Variants in APBB2 observed in about 807,000 individuals in gnomAD.
The protein encoded by APBB2 is Fe65-like 1.
APBB2 carries 38 observed loss-of-function variants against 82.5 expected under a neutral mutation model. The ratio of observed to expected loss-of-function variants is 0.46; its 90% CI spans 0.36 to 0.60. The LOEUF (loss-of-function observed/expected upper bound fraction) is 0.60, where lower values mean the gene tolerates loss of function less well. Ranked by LOEUF, APBB2 falls within the 20% of genes least tolerant of loss-of-function variation. APBB2 has a pLI of 0.00. For missense variants in APBB2, 772 were observed against 972.3 expected (o/e 0.79, Z 2.74); for synonymous variants, 341 against 368.2 (o/e 0.93, Z 0.85).
intron 1 of APBB2, among the ~76,000 whole-genome samples, chr4:41,160,092 C>T (rs963840977): frequency 6.6e-6 from 1 of 151,910 alleles, no homozygotes; most frequent in Admixed American, 6.6e-5. Flanking sequence ...TTTGGGAAAA[C>T]ATCAAGGATG....
intron 10 of APBB2, among the ~76,000 whole-genome samples, chr4:40,920,444 G>T (rs1288535201): frequency 6.6e-6 from 1 of 152,128 alleles, no homozygotes; most frequent in Non-Finnish European, 1.5e-5. Flanking sequence ...ACACAAAACT[G>T]CATTTTCTCT....
intron 5 of APBB2, among the ~76,000 whole-genome samples, chr4:41,024,189 G>A (rs1712978962): frequency 6.6e-6 from 1 of 152,148 alleles, no homozygotes; most frequent in Non-Finnish European, 1.5e-5. Context: ...AACTCAAGAT[G>A]AATTAAACAC....
At chr4:41,123,831 A>C (rs1377895664) in intron 2 of APBB2, among the ~76,000 whole-genome samples, 3 of 152,176 alleles carry the variant, frequency 2.0e-5, no homozygotes, top group Admixed American at 6.5e-5. Flanking sequence ...ACAAAAAAAA[A>C]CCAAAAAACA....
chr4:41,105,681 G>A (rs1398759525), intron 2 of APBB2, among the ~76,000 whole-genome samples: 1 of 152,104 alleles, frequency 6.6e-6, no homozygotes, highest in African/African-American at 2.4e-5. Flanking sequence ...TCAGGAGATT[G>A]AGACCATCCT....
At chr4:40,982,112 G>C (rs1340657916) in intron 6 of APBB2, among the ~76,000 whole-genome samples, 1 of 150,668 alleles carries the variant, frequency 6.6e-6, no homozygotes, top group East Asian at 1.9e-4. Flanking sequence ...TTGAACCCAG[G>C]AGGTGGAGGT....
chr4:41,029,858 C>T (rs1294092464), intron 5 of APBB2, among the ~76,000 whole-genome samples: 1 of 151,970 alleles, frequency 6.6e-6, no homozygotes, highest in Non-Finnish European at 1.5e-5. Context: ...GGAAGGCTTC[C>T]CACAAAAAGA....
chr4:40,879,379 C>T (rs938811863), intron 12 of APBB2, among the ~76,000 whole-genome samples: 1 of 152,082 alleles, frequency 6.6e-6, no homozygotes, highest in African/African-American at 2.4e-5. Flanking sequence ...AATATAACTC[C>T]TCTGAACACA....
chr4:40,961,479 C>T (rs1462635500), intron 6 of APBB2, among the ~76,000 whole-genome samples: 8 of 102,884 alleles, frequency 7.8e-5, no homozygotes, highest in African/African-American at 2.8e-4. Flanking sequence ...GAATATCACA[C>T]TCTGGGGACT....
intron 12 of APBB2, among the ~76,000 whole-genome samples, chr4:40,851,043 T>G (rs763387317): frequency 8.5e-5 from 13 of 152,184 alleles, no homozygotes; most frequent in Non-Finnish European, 1.5e-4. Context: ...ACATACGATG[T>G]GGACAGCACT....
At chr4:40,867,182 C>A (rs1262257913) in intron 12 of APBB2, among the ~76,000 whole-genome samples, 3 of 152,130 alleles carry the variant, frequency 2.0e-5, no homozygotes, top group African/African-American at 7.2e-5. Context: ...TTTTGCCTAC[C>A]ATGGCAGACA....
chr4:41,199,377 C>T (rs1776127832), intron 1 of APBB2, among the ~76,000 whole-genome samples: 1 of 152,144 alleles, frequency 6.6e-6, no homozygotes, highest in Non-Finnish European at 1.5e-5. Context: ...GAGAAACTTT[C>T]TTTGTCATAA....
intron 10 of APBB2, among the ~76,000 whole-genome samples, chr4:40,929,717 G>A (rs1229216202): frequency 6.6e-6 from 1 of 152,182 alleles, no homozygotes; most frequent in Non-Finnish European, 1.5e-5. Flanking sequence ...GAGTACTCTA[G>A]GATATTACTG....
intron 7 of APBB2, among the ~76,000 whole-genome samples, chr4:40,941,954 G>A (rs1787108843): frequency 6.6e-6 from 1 of 152,074 alleles, no homozygotes; most frequent in African/African-American, 2.4e-5. Flanking sequence ...GGTTTTATGG[G>A]GAGTAAAGAG....
intron 2 of APBB2, among the ~76,000 whole-genome samples, chr4:41,141,778 C>T (rs755692366): frequency 5.9e-5 from 9 of 152,324 alleles, no homozygotes; most frequent in South Asian, 2.1e-4. Flanking sequence ...ACAGAGCTTG[C>T]GCAGAGAAAC....
At chr4:41,199,866 T>A (rs1478248498) in intron 1 of APBB2, among the ~76,000 whole-genome samples, 1 of 152,202 alleles carries the variant, frequency 6.6e-6, no homozygotes, top group African/African-American at 2.4e-5. Flanking sequence ...TTCTAAATCA[T>A]GAGAAATACA....
intron 7 of APBB2, 35 bp from the exon 8 acceptor site, chr4:40,935,174 C>T: frequency 7.9e-7 from 1 of 1,262,314 alleles, no homozygotes; most frequent in Non-Finnish European, 1.1e-6. Flanking sequence ...GAAAAAAGCA[C>T]ATTGATTTAA....
At chr4:40,989,494 G>A (rs533883501) in intron 6 of APBB2, among the ~76,000 whole-genome samples, 1 of 151,978 alleles carries the variant, frequency 6.6e-6, no homozygotes, top group East Asian at 1.9e-4. Context: ...TAAAATGCAA[G>A]AGTTTTTAAT....
At position 40,826,915 on chromosome 4, in the gene APBB2, A is replaced by G. The variant is rs892115417; in HGVS notation, c.1732+217T>C. 42 of 478,546 alleles carry G rather than the reference A, an allele frequency of 8.8e-5. No homozygotes were observed. Among genetic ancestry groups the G allele is most frequent in the Admixed American group, 6.9e-4 (18 of 26,070 alleles). The allele number at this position is 478,546 out of a possible 1,614,324, so 29.6% of individuals were successfully genotyped here. A position where few individuals can be genotyped will look rare whatever the true frequency, so the allele number is the denominator to read the frequency against. On this transcript the variant is annotated intron_variant, in intron 14 of 17. Coordinates refer to ENST00000508593, the MANE Select transcript of APBB2 (RefSeq NM_004307.2). This position sits in a 1 kb window ranked among gnomAD's most constrained non-coding sequence, Gnocchi z 4.5. The stretch of plus-strand genomic sequence containing the variant: ...AGACAATATTCTTTAATCTTGTCCA[A>G]TAACAACAAAACTCATCCTGGCTTT...
At chr4:41,180,950 T>TC (rs1553984534) in intron 1 of APBB2, among the ~76,000 whole-genome samples, 17,818 of 151,322 alleles carry the variant, frequency 0.12, 1,844 homozygotes, top group African/African-American at 0.28. Flanking sequence ...CCCTTTCATC[T>TC]AAAAAAAAAT....
Sources: allele counts gnomAD v4.1 joint callset (sites outside exome capture counted in the v4.1 genomes callset), GRCh38; gene constraint gnomAD v4.1.1; non-coding constraint Gnocchi (gnomAD v3.1); transcripts MANE v1.5; gene names NCBI Gene and HGNC (gene_info 2026-07-23, HGNC 2026-07-21).